The following ROBO2 variants were observed in gnomAD, a reference collection of about 807,000 sequenced individuals.
The protein encoded by ROBO2 is roundabout homolog 2.
ROBO2 carries 53 observed loss-of-function variants against 160.8 expected under a neutral mutation model. The observed-to-expected ratio is 0.33, with a 90% CI of 0.26 to 0.41. The LOEUF is 0.41. ROBO2 is among the 10% of genes least tolerant of loss of function. ROBO2 has a pLI of 1.00. For synonymous variants in ROBO2, 664 were observed against 611.7 expected (o/e 1.09, Z -1.26); for missense variants, 1,577 against 1,722.4 (o/e 0.92, Z 1.49).
chr3:77,449,794 T>C (rs2080939198), intron 2 of ROBO2, among the ~76,000 whole-genome samples: 2 of 152,212 alleles, frequency 1.3e-5, no homozygotes, highest in Middle Eastern at 6.8e-3. Flanking sequence ...TCTCTCACAG[T>C]GAGCAAAGTC....
rs2075396406 is a variant in ROBO2 at position 76,903,782 on chromosome 3, GCTT to G, written c.110-194225_110-194223del. On this transcript the variant is annotated intron_variant, in intron 2 of 26. Coordinates refer to the ROBO2 transcript ENST00000487694. ...GCACAGAATTCCCCGATAGCCATTT[GCTT>G]CTTCTTTTCATTTCTACCCTTGTTC... 1.1e-4 allele frequency among the ~76,000 whole-genome samples: 16 copies of G among 152,232 alleles called. No individual in the cohort carries two copies. In the South Asian group the frequency reaches 3.3e-3, roughly 32 times the overall value.
chr3:77,276,752 T>C (rs376466446), intron 2 of ROBO2, among the ~76,000 whole-genome samples: 1 of 152,028 alleles, frequency 6.6e-6, no homozygotes, highest in Non-Finnish European at 1.5e-5. Context: ...GATTGGGTAA[T>C]GTATAAAGGA....
intron 1 of ROBO2, among the ~76,000 whole-genome samples, chr3:77,065,571 A>C (rs1474371599): frequency 6.6e-6 from 1 of 152,106 alleles, no homozygotes; most frequent in Non-Finnish European, 1.5e-5. Context: ...GAGTACCTTA[A>C]ATGAGAAGTT....
At chr3:76,163,669 T>G (rs1349253980) in intron 2 of ROBO2, among the ~76,000 whole-genome samples, 2 of 151,970 alleles carry the variant, frequency 1.3e-5, no homozygotes, top group Non-Finnish European at 2.9e-5. Context: ...TTTTTTTCAA[T>G]GCATATCAAA....
chr3:76,340,373 C>G (rs1163589102), intron 2 of ROBO2, among the ~76,000 whole-genome samples: 2 of 152,080 alleles, frequency 1.3e-5, no homozygotes, highest in Admixed American at 6.6e-5. Flanking sequence ...TGACCATGTT[C>G]AAGAAAGCTT....
intron 2 of ROBO2, among the ~76,000 whole-genome samples, chr3:76,290,532 C>T (rs1417567878): frequency 6.6e-6 from 1 of 152,076 alleles, no homozygotes; most frequent in African/African-American, 2.4e-5. Flanking sequence ...GGTCTGGTAG[C>T]TCTGGCTATG....
chr3:77,117,002 G>T lies in ROBO2; in HGVS notation c.388+18662G>T, dbSNP rs1410157054. On this transcript the variant is annotated intron_variant, in intron 2 of 25. Transcript: ENST00000461745. ...TGATCACACAGCTGAATATCGGAAA[G>T]ATTTTGTTCAGATTTAATAAGACAA... Among the ~76,000 whole-genome samples, 6 of 152,248 alleles carry T rather than the reference G, an allele frequency of 3.9e-5. No individual in the cohort carries two copies. In the East Asian group the frequency reaches 5.8e-4, roughly 15 times the overall value.
intron 1 of ROBO2, among the ~76,000 whole-genome samples, chr3:77,078,308 CAT>C (rs1477468059): frequency 3.3e-5 from 5 of 152,160 alleles, no homozygotes; most frequent in Non-Finnish European, 7.3e-5. Flanking sequence ...TTAGTTGACA[CAT>C]GTTTTCCTGG....
chr3:77,155,118 G>A (rs890354014), intron 2 of ROBO2, among the ~76,000 whole-genome samples: 4 of 151,944 alleles, frequency 2.6e-5, no homozygotes, highest in East Asian at 1.9e-4. Flanking sequence ...ATTACTGGAC[G>A]TATGGTCAGT....
intron 2 of ROBO2, among the ~76,000 whole-genome samples, chr3:76,288,813 A>G (rs1392701238): frequency 6.6e-6 from 1 of 152,134 alleles, no homozygotes; most frequent in Admixed American, 6.6e-5. Context: ...GCTGCAAAGG[A>G]CATGTTCTCA....
intron 2 of ROBO2, among the ~76,000 whole-genome samples, chr3:76,574,263 A>G (rs1195601474): frequency 2.6e-5 from 4 of 152,118 alleles, no homozygotes; most frequent in Admixed American, 2.0e-4. Flanking sequence ...ATCACCAGTA[A>G]AATATAGAAA....
intron 2 of ROBO2, among the ~76,000 whole-genome samples, chr3:76,637,357 T>C (rs574467612): frequency 4.6e-5 from 7 of 151,808 alleles, no homozygotes; most frequent in South Asian, 4.1e-4. Flanking sequence ...TTTCTGAGAA[T>C]GGAACCCTTT....
chr3:76,791,897 C>T (rs1389257546), intron 2 of ROBO2, among the ~76,000 whole-genome samples: 1 of 151,686 alleles, frequency 6.6e-6, no homozygotes, highest in Non-Finnish European at 1.5e-5. Context: ...ATTTACATAG[C>T]CTTTTACATT....
intron 2 of ROBO2, among the ~76,000 whole-genome samples, chr3:76,752,063 C>T (rs1446708807): frequency 2.0e-5 from 3 of 152,060 alleles, no homozygotes; most frequent in African/African-American, 7.2e-5. Context: ...CAATGATAGA[C>T]TAGATTAAGA....
chr3:76,564,623 CTG>C lies in ROBO2; in HGVS notation c.110-533388_110-533387del, dbSNP rs2084400792. On this transcript the variant is annotated intron_variant, in intron 2 of 26. Coordinates refer to the ROBO2 transcript ENST00000487694. ...GAACACAGGTTAATCTTTCCAGGCT[CTG>C]TGAGGCCATGACATTTTCAAGTGTA... Among the ~76,000 whole-genome samples, 4 of 152,300 alleles carry C rather than the reference CTG, an allele frequency of 2.6e-5. No homozygotes were observed. In the South Asian group the frequency reaches 8.3e-4, roughly 32 times the overall value.
At chr3:76,273,645 C>T (rs1460981474) in intron 2 of ROBO2, among the ~76,000 whole-genome samples, 1 of 152,090 alleles carries the variant, frequency 6.6e-6, no homozygotes, top group Non-Finnish European at 1.5e-5. Context: ...TGAGAACTCA[C>T]TCACGATCAT....
At chr3:76,371,852 G>A (rs1194323653) in intron 2 of ROBO2, among the ~76,000 whole-genome samples, 1 of 151,710 alleles carries the variant, frequency 6.6e-6, no homozygotes, top group Non-Finnish European at 1.5e-5. Flanking sequence ...ATTCCCTTAG[G>A]TTTTCCATAA....
chr3:76,270,983 T>C (rs1228789990), intron 2 of ROBO2, among the ~76,000 whole-genome samples: 1 of 152,118 alleles, frequency 6.6e-6, no homozygotes, highest in Non-Finnish European at 1.5e-5. Flanking sequence ...AAGGATGTAC[T>C]TTGAAACACT....
chr3:76,485,776 G>A (rs1208879689), intron 2 of ROBO2, among the ~76,000 whole-genome samples: 2 of 152,186 alleles, frequency 1.3e-5, no homozygotes, highest in East Asian at 3.9e-4. Flanking sequence ...AATAAAGTAG[G>A]CTACTATTGC....
Sources: gnomAD v4.1 joint callset for allele counts (sites outside exome capture counted in the v4.1 genomes callset) on GRCh38, gnomAD v4.1.1 for gene constraint, MANE v1.5 for transcripts, NCBI Gene and HGNC (gene_info 2026-07-23, HGNC 2026-07-21) for gene names.